The following GUCY2D variants were observed in gnomAD, a reference collection of about 807,000 sequenced individuals.
The protein encoded by GUCY2D is retinal guanylyl cyclase 1.
A neutral mutation model predicts 101.3 loss-of-function variants in GUCY2D; 70 were observed. The ratio of observed to expected loss-of-function variants is 0.69; its 90% confidence interval spans 0.57 to 0.84. The LOEUF is 0.84. Ranked by LOEUF, GUCY2D falls within the 40% of genes least tolerant of loss-of-function variation. The pLI is 0.00. For missense variants in GUCY2D, 1,460 were observed against 1,542.5 expected (o/e 0.95, Z 0.90); for synonymous variants, 688 against 670.7 (o/e 1.03, Z -0.40).
chr17:8,013,173 C>CA lies in GUCY2D; in HGVS notation c.2184_2185insA (p.Val729SerfsTer3). 1 of 1,614,016 alleles carries CA rather than the reference C, an allele frequency of 6.2e-7. No homozygotes were observed. On this transcript the variant is annotated frameshift_variant, in exon 11 of 20. Transcript: ENST00000254854. LOFTEE classifies it high-confidence loss of function. The surrounding 1 kb of genome is among the most constrained non-coding windows in gnomAD (Gnocchi z 5.0). Reference sequence around the variant, plus strand: ...AGCGCCGGGGAACGCTGGCCGGCGACGTCTTTAGCTTGGCCATCATCATGC... The same window carrying CA: ...AGCGCCGGGGAACGCTGGCCGGCGACAGTCTTTAGCTTGGCCATCATCATGC...
At position 8,012,271 on chromosome 17, in the gene GUCY2D, C is replaced by T; in HGVS notation, c.1877C>T (p.Ser626Phe). 2 of 1,614,018 alleles carry T rather than the reference C, an allele frequency of 1.2e-6. No individual in the cohort carries two copies. Among genetic ancestry groups the T allele is most frequent in the Non-Finnish European group, 1.7e-6 (2 of 1,179,968 alleles). The change falls in exon 9 of 20, where the codon TCT (serine) becomes TTT (phenylalanine). Residue 626 changes from serine (S) to phenylalanine (F), a missense_variant. This residue lies in a region of GUCY2D where 1,196 missense variants were observed against 1,229.6 expected (regional missense o/e 0.97). Transcript: ENST00000254854. The stretch of plus-strand genomic sequence containing the variant: ...GTCTCAGAGCACTGCACGCGGGGCT[C>T]TCTTCAGGACCTCCTCGCTCAGAGA... ...AVVSEHCTRG[S>F]LQDLLAQREI...
chr17:8,013,968 G>A lies in GUCY2D; in HGVS notation c.2352G>A (p.Met784Ile). ...DQAPVECILL[M>I]KQCWAEQPEL... is the part of the protein sequence containing the mutation. The stretch of plus-strand genomic sequence containing the variant: ...CACCTGTCGAGTGTATCCTCCTGAT[G>A]AAGCAGTGCTGGGCAGAGCAGCCGG... Residue 784 changes from methionine to isoleucine, a missense_variant, in exon 12 of 20, where the codon ATG (methionine) becomes ATA (isoleucine). By Grantham distance (10) the Met-to-Ile change is conservative. This residue lies in a region of GUCY2D where 1,196 missense variants were observed against 1,229.6 expected (regional missense o/e 0.97). Coordinates refer to ENST00000254854, the MANE Select transcript of GUCY2D (RefSeq NM_000180.4). The surrounding 1 kb of genome is among the most constrained non-coding windows in gnomAD (Gnocchi z 5.0). 3 of 1,613,844 alleles carry A rather than the reference G, an allele frequency of 1.9e-6. No homozygotes were observed. Among genetic ancestry groups the A allele is most frequent in the Non-Finnish European group, 2.5e-6 (3 of 1,179,820 alleles).
rs369222553 is a variant in GUCY2D at position 8,012,502 on chromosome 17, G to A, written c.2009G>A (p.Arg670Gln). 52 of 1,613,856 alleles carry A rather than the reference G, an allele frequency of 3.2e-5. No homozygotes were observed. Among genetic ancestry groups the A allele is most frequent in the East Asian group, 1.1e-4 (5 of 44,888 alleles). Residue 670 changes from arginine (R) to glutamine (Q), a missense_variant, in exon 10 of 20, where the codon CGG (arginine) becomes CAG (glutamine). Around this residue, in one of 3 missense-constraint regions of GUCY2D, gnomAD observed 1,196 missense variants for 1,229.6 expected, o/e 0.97. Transcript: ENST00000254854. ...GTGGCTCATGGGCGGCTGAAGTCAC[G>A]GAACTGCATAGTGGATGGCAGATTC... The part of the protein sequence containing the change: ...RGVAHGRLKS[R>Q]NCIVDGRFVL...
In GUCY2D at chr17:8,013,220, C is replaced by A; in HGVS notation, c.2231C>A (p.Ala744Asp). 2 of 1,614,132 alleles carry A rather than the reference C, an allele frequency of 1.2e-6. 1 individual carries two copies. The highest frequency in any genetic ancestry group is 1.7e-6 in the Non-Finnish European group (2 of 1,179,984). ...IIMQEVVCRS[A>D]PYAMLELTPE... ...ATGCAAGAAGTAGTGTGCCGCAGTG[C>A]CCCTTATGCCATGCTGGAGCTCACT... is the stretch of plus-strand genomic sequence containing the variant. Residue 744 changes from alanine (A) to aspartate (D), a missense_variant, in exon 11 of 20, where the codon GCC becomes GAC. By Grantham distance (126) the Ala-to-Asp change is moderately radical (BLOSUM62 -2). Transcript: ENST00000254854. The surrounding 1 kb of genome is among the most constrained non-coding windows in gnomAD (Gnocchi z 5.0).
In GUCY2D at chr17:8,007,934, GC is replaced by G. The variant is rs753057356; in HGVS notation, c.1573del (p.Gln525ArgfsTer38). The G allele has an allele frequency of 1.2e-6, 2 of 1,605,984 alleles. No homozygotes were observed. The highest frequency in any genetic ancestry group is 2.2e-5 in the South Asian group (2 of 90,904). On this transcript the variant is annotated frameshift_variant, in exon 7 of 20. Transcript: ENST00000254854. LOFTEE classifies it high-confidence loss of function. ...HPHGGTSRKV[A>X]QGSRSSLGAR... ...TGCATTGACCTCTACCTGCTAGGTG[GC>G]CCAGGGGAGTCGATCAAGTCTGGGT...
rs137853897 is a variant in GUCY2D at position 8,009,557 on chromosome 17, C to T, written c.1720C>T (p.Arg574Cys). Residue 574 changes from arginine to cysteine, a missense_variant, in exon 8 of 20, where the codon CGC (arginine) becomes TGC (cysteine). By Grantham distance (180) the Arg-to-Cys change is radical. Coordinates refer to ENST00000254854, the MANE Select transcript of GUCY2D (RefSeq NM_000180.4). ...KFPGDQHIAIRPATKTAFSKL... is the reference protein window; with the variant it reads ...KFPGDQHIAICPATKTAFSKL... ...CCCAGGGGATCAGCACATAGCTATC[C>T]GCCCAGCAACCAAGACGGCCTTCTC... The T allele has an allele frequency of 3.4e-5, 55 of 1,613,426 alleles. No individual in the cohort carries two copies. Among genetic ancestry groups the T allele is most frequent in the Middle Eastern group, 1.6e-4 (1 of 6,082 alleles).
In GUCY2D at chr17:8,015,818, C is replaced by A. The variant is rs1738565324; in HGVS notation, c.3020C>A (p.Ser1007Ter). 6.2e-7 allele frequency: 1 copy of A among 1,612,284 alleles called. No individual in the cohort carries two copies. The highest frequency in any genetic ancestry group is 1.7e-5 in the Admixed American group (1 of 59,864). Residue 1007 changes from serine to a stop codon, truncating the protein, a stop_gained, in exon 16 of 20, where the codon TCG becomes TAG. Transcript: ENST00000254854. LOFTEE classifies it high-confidence loss of function. ...TTTGGGGACACGGTCAACACCGCCT[C>A]GCGCATGGAGTCCACCGGGCTGCGT... ...CLFGDTVNTA[S>*]RMESTGLPYR...
rs920760858 is a variant in GUCY2D, at chr17:8,002,895, T to C, written c.-9-144T>C. The C allele has an allele frequency of 3.2e-6, 2 of 623,718 alleles. No individual in the cohort carries two copies. The highest frequency in any genetic ancestry group is 5.3e-6 in the Non-Finnish European group (2 of 377,596). 38.6% of individuals were successfully genotyped at this position (623,718 alleles called of 1,614,324 possible). On this transcript the variant is annotated intron_variant, in intron 1 of 19. Transcript: ENST00000254854. The surrounding 1 kb of genome is among the most constrained non-coding windows in gnomAD (Gnocchi z 4.9). ...TTCGGGGCGGTGTCCTTGGCCCCAGTTAGTCTTCCCAGCCTCCGGAGGGGG... is the reference window on the plus strand; with the variant it reads ...TTCGGGGCGGTGTCCTTGGCCCCAGCTAGTCTTCCCAGCCTCCGGAGGGGG...
Position 8,004,107 on chromosome 17 carries a change from G to A in GUCY2D, c.977G>A (p.Arg326His), listed in dbSNP as rs1440873587. The A allele has an allele frequency of 1.2e-6, 2 of 1,601,532 alleles. No individual in the cohort carries two copies. Among genetic ancestry groups the A allele is most frequent in the Admixed American group, 1.7e-5 (1 of 59,946 alleles). ...GAAGGCAGCGTGCTGGACAGCCTGC[G>A]CAGGGCTCAAGAGCGCCGCGAGCTG... The part of the protein sequence containing the change: ...PSEGSVLDSL[R>H]RAQERRELPS... Residue 326 changes from arginine to histidine, a missense_variant, in exon 3 of 20, where the codon CGC becomes CAC. Around this residue, in one of 3 missense-constraint regions of GUCY2D, gnomAD observed 1,196 missense variants for 1,229.6 expected, o/e 0.97. Transcript: ENST00000254854.
chr17:8,008,025 T>G lies in GUCY2D; in HGVS notation c.1661T>G (p.Val554Gly), dbSNP rs1975779889. The change falls in exon 7 of 20, where the codon GTC (valine) becomes GGC (glycine). Residue 554 changes from valine (V) to glycine (G), a missense_variant. Val to Gly is a moderately radical substitution (Grantham distance 109). Coordinates refer to ENST00000254854, the MANE Select transcript of GUCY2D (RefSeq NM_000180.4). Reference sequence around the variant, plus strand: ...CACTTGGACAGCCCCAACATTGGTGTCTATGAGGTGAGCCTGACCCCAGCC... The same window carrying G: ...CACTTGGACAGCCCCAACATTGGTGGCTATGAGGTGAGCCTGACCCCAGCC... ...SQHLDSPNIG[V>G]YEGDRVWLKK... 1 of 1,603,790 alleles carries G rather than the reference T, an allele frequency of 6.2e-7. No individual in the cohort carries two copies.
In GUCY2D at chr17:8,015,991, G is replaced by A. The variant is rs61750193; in HGVS notation, c.3108G>A (p.Gln1036=). 1.2e-6 allele frequency: 2 copies of A among 1,611,044 alleles called. No homozygotes were observed. The highest frequency in any genetic ancestry group is 4.5e-5 in the East Asian group (2 of 44,766). The change falls in exon 17 of 20, where the codon CAG becomes CAA. Residue 1036 remains glutamine (Q), a synonymous_variant. Coordinates refer to ENST00000254854, the MANE Select transcript of GUCY2D (RefSeq NM_000180.4). The part of the protein sequence containing the change: ...GILRALDSGY[Q]VELRGRTELK... ...TCCGTGCTCTGGACTCGGGCTACCA[G>A]GTGGAGCTGCGAGGCCGCACGGAGC... is the stretch of plus-strand genomic sequence containing the variant.
At position 8,006,373 on chromosome 17, in the gene GUCY2D, T is replaced by A. The variant is rs1372180006; in HGVS notation, c.1037T>A (p.Leu346His). The A allele has an allele frequency of 4.4e-6, 7 of 1,600,278 alleles. No homozygotes were observed. The highest frequency in any genetic ancestry group is 5.9e-6 in the Non-Finnish European group (7 of 1,179,884). ...ACTCTCCTTCTCCAGGTCTCCCCACTCTTTGGCACCATCTATGACGCGGTC... is the reference window on the plus strand; with the variant it reads ...ACTCTCCTTCTCCAGGTCTCCCCACACTTTGGCACCATCTATGACGCGGTC... ...SDLNLQQVSPLFGTIYDAVFL... is the reference protein window; with the variant it reads ...SDLNLQQVSPHFGTIYDAVFL... The change falls in exon 4 of 20, where the codon CTC becomes CAC. Residue 346 changes from leucine (L) to histidine (H), a missense_variant. This residue lies in a region of GUCY2D where 1,196 missense variants were observed against 1,229.6 expected (regional missense o/e 0.97). Coordinates refer to ENST00000254854, the MANE Select transcript of GUCY2D (RefSeq NM_000180.4).
In GUCY2D at chr17:8,009,584, A is replaced by G; in HGVS notation, c.1747A>G (p.Lys583Glu). The G allele has an allele frequency of 1.9e-6, 3 of 1,608,070 alleles. No homozygotes were observed. Among genetic ancestry groups the G allele is most frequent in the Non-Finnish European group, 2.6e-6 (3 of 1,174,454 alleles). Residue 583 changes from lysine to glutamate, a missense_variant and splice_region_variant, in exon 8 of 20, where the codon AAG becomes GAG. Lys to Glu is a moderately conservative substitution (Grantham distance 56). Coordinates refer to ENST00000254854, the MANE Select transcript of GUCY2D (RefSeq NM_000180.4). The stretch of plus-strand genomic sequence containing the variant: ...CCCAGCAACCAAGACGGCCTTCTCC[A>G]AGGTGAGACTTGGGCCTGTGATGGG... Reference protein sequence around the residue: ...IRPATKTAFSKLQELRHENVA... With the variant: ...IRPATKTAFSELQELRHENVA...
chr17:8,005,480 A>C (rs961857523), intron 3 of GUCY2D, among the ~76,000 whole-genome samples: 2 of 152,080 alleles, frequency 1.3e-5, no homozygotes, highest in Non-Finnish European at 2.9e-5. Context: ...AGCCAGACCA[A>C]GCTACTCTGG....
intron 15 of GUCY2D, 43 bp from the exon 16 acceptor site, chr17:8,015,699 AG>A (rs1427002469): frequency 2.8e-6 from 4 of 1,441,816 alleles, no homozygotes; most frequent in East Asian, 2.4e-5. Context: ...GGTGCAGCCC[AG>A]GGCCGGCCCT....
rs533407112 is a variant in GUCY2D, at chr17:8,011,101, G to A, written c.1750-1043G>A. On this transcript the variant is annotated intron_variant, in intron 8 of 19. Coordinates refer to ENST00000254854, the MANE Select transcript of GUCY2D (RefSeq NM_000180.4). This position sits in a 1 kb window ranked among gnomAD's most constrained non-coding sequence, Gnocchi z 4.3. ...TTTGAAAGTGGCACAGCTTCAGGCC[G>A]GGCACCGTGGCTCACGCCTGTAATC... Among the ~76,000 whole-genome samples the A allele has an allele frequency of 3.0e-4, 45 of 152,196 alleles. 1 individual carries two copies. Among genetic ancestry groups the A allele is most frequent in the African/African-American group, 7.7e-4 (32 of 41,542 alleles).
intron 19 of GUCY2D, among the ~76,000 whole-genome samples, chr17:8,017,030 T>G (rs1286157889): frequency 6.6e-6 from 1 of 152,178 alleles, no homozygotes; most frequent in African/African-American, 2.4e-5. Context: ...TTCTTCAGGA[T>G]TGTTCTGGAA....
Position 8,013,579 on chromosome 17 carries a change from G to A in GUCY2D, c.2264-301G>A. On this transcript the variant is annotated intron_variant, in intron 11 of 19. Transcript: ENST00000254854. This position sits in a 1 kb window ranked among gnomAD's most constrained non-coding sequence, Gnocchi z 5.0. ...GAGGGGGAGTGGGTGCATCCCTTCT[G>A]CACAGGACTCTGAGCAAACTACTTG... 1 of 575,656 alleles carries A rather than the reference G, an allele frequency of 1.7e-6. No individual in the cohort carries two copies. The highest frequency in any genetic ancestry group is 3.1e-6 in the Non-Finnish European group (1 of 321,718). 35.7% of individuals were successfully genotyped at this position (575,656 alleles called of 1,614,324 possible). A position where few individuals can be genotyped will look rare whatever the true frequency, so the allele number is the denominator to read the frequency against.
In GUCY2D at chr17:8,003,311, C is replaced by A. The variant is rs756121043; in HGVS notation, c.264C>A (p.Pro88=). Residue 88 remains proline, a synonymous_variant, in exon 2 of 20, where the codon CCC becomes CCA. Coordinates refer to ENST00000254854, the MANE Select transcript of GUCY2D (RefSeq NM_000180.4). ...CCGCCGCCCGCCTGAACCGCGACCC[C>A]GGCCTGGCAGGCGGTCCCCGCTTCG... is the stretch of plus-strand genomic sequence containing the variant. The part of the protein sequence containing the change: ...RLAAARLNRD[P]GLAGGPRFEV... 7 of 1,484,924 alleles carry A rather than the reference C, an allele frequency of 4.7e-6. No individual in the cohort carries two copies. In the Admixed American group the frequency reaches 1.1e-4, roughly 24 times the overall value. 92.0% of individuals were successfully genotyped at this position (1,484,924 alleles called of 1,614,324 possible). A position where few individuals can be genotyped will look rare whatever the true frequency, so the allele number is the denominator to read the frequency against.
Sources: allele counts gnomAD v4.1 joint callset (sites outside exome capture counted in the v4.1 genomes callset), GRCh38; gene constraint gnomAD v4.1.1; regional missense constraint gnomAD v4.1.1; non-coding constraint Gnocchi (gnomAD v3.1); transcripts MANE v1.5; gene names NCBI Gene and HGNC (gene_info 2026-07-23, HGNC 2026-07-21).